TSG101: variants seen among roughly 807,000 people sequenced by gnomAD.
TSG101 encodes the protein tumor susceptibility gene 101 protein.
TSG101 carries 19 observed loss-of-function variants against 48.5 expected under a neutral mutation model. The ratio of observed to expected loss-of-function variants is 0.39; its 90% CI spans 0.27 to 0.58. The LOEUF is 0.58. TSG101 is among the 20% of genes least tolerant of loss of function. TSG101 has a pLI of 0.55. For synonymous variants in TSG101, 174 were observed against 169.4 expected (o/e 1.03, Z -0.21); for missense variants, 365 against 484.4 (o/e 0.75, Z 2.31).
chr11:18,486,689 C>G (rs1849625408), intron 7 of TSG101, among the ~76,000 whole-genome samples: 1 of 151,510 alleles, frequency 6.6e-6, no homozygotes, highest in African/African-American at 2.4e-5. Context: ...ACTAGTTCAA[C>G]CATTGTGGAA....
chr11:18,482,413 A>G (rs935777091), intron 8 of TSG101, among the ~76,000 whole-genome samples: 1 of 152,232 alleles, frequency 6.6e-6, no homozygotes, highest in African/African-American at 2.4e-5. Context: ...TACAATCTAG[A>G]ACCACTTTGT....
chr11:18,506,621 T>G (rs1011753149), intron 6 of TSG101, among the ~76,000 whole-genome samples: 3 of 151,562 alleles, frequency 2.0e-5, no homozygotes, highest in Admixed American at 1.3e-4. Context: ...ACTGGGGAAG[T>G]AGAGGTTGCA....
intron 7 of TSG101, among the ~76,000 whole-genome samples, chr11:18,488,635 G>T (rs916568063): frequency 1.3e-5 from 2 of 151,974 alleles, no homozygotes; most frequent in Non-Finnish European, 2.9e-5. Context: ...TCTGGTGCTA[G>T]AAGTTCTTCT....
chr11:18,480,439 T>C lies in TSG101; in HGVS notation c.*107A>G. ...AAAATATATTATTGATTCAAAATAT[T>C]TTACACTTGAATGATAAACTGCAAT... On this transcript the variant is annotated 3_prime_UTR_variant, in exon 10 of 10. Coordinates refer to ENST00000251968, the MANE Select transcript of TSG101 (RefSeq NM_006292.4). 1.2e-6 allele frequency: 1 copy of C among 809,884 alleles called. No homozygotes were observed. Among genetic ancestry groups the C allele is most frequent in the Non-Finnish European group, 1.9e-6 (1 of 523,674 alleles). 50.2% of individuals were successfully genotyped at this position (809,884 alleles called of 1,614,324 possible). A position where few individuals can be genotyped will look rare whatever the true frequency, so the allele number is the denominator to read the frequency against.
chr11:18,500,807 A>C (rs1297002712), intron 7 of TSG101, among the ~76,000 whole-genome samples: 2 of 133,478 alleles, frequency 1.5e-5, no homozygotes, highest in South Asian at 2.3e-4. Flanking sequence ...TGTTGTGCAG[A>C]AGCTTTTTTT....
intron 8 of TSG101, among the ~76,000 whole-genome samples, chr11:18,482,517 T>C: frequency 6.6e-6 from 1 of 152,220 alleles, no homozygotes; most frequent in East Asian, 1.9e-4. Flanking sequence ...TTTACTGGAA[T>C]AAATTCTCCC....
intron 4 of TSG101, chr11:18,510,899 A>G (rs1213422442): frequency 6.6e-6 from 1 of 151,890 alleles, no homozygotes; most frequent in Non-Finnish European, 1.5e-5. Context: ...CCTGGGTTAG[A>G]GTGAGACCCT....
intron 7 of TSG101, among the ~76,000 whole-genome samples, chr11:18,497,666 T>C (rs895660243): frequency 6.6e-6 from 1 of 152,152 alleles, no homozygotes; most frequent in African/African-American, 2.4e-5. Context: ...AGAAACAGGG[T>C]GACAAACAGC....
intron 4 of TSG101, among the ~76,000 whole-genome samples, chr11:18,510,816 G>A (rs904722129): frequency 3.9e-5 from 6 of 151,900 alleles, no homozygotes; most frequent in African/African-American, 1.4e-4. Context: ...CAACTACTCA[G>A]GAGGCTGCAG....
chr11:18,499,020 T>C (rs925883625), intron 7 of TSG101, among the ~76,000 whole-genome samples: 63 of 151,580 alleles, frequency 4.2e-4, no homozygotes, highest in African/African-American at 1.5e-3. Context: ...TTGGTAATCA[T>C]GACCAGTTTT....
intron 1 of TSG101, among the ~76,000 whole-genome samples, chr11:18,524,755 T>C (rs957394171): frequency 4.6e-5 from 7 of 152,162 alleles, no homozygotes; most frequent in African/African-American, 1.7e-4. Context: ...GGAAGGCAGG[T>C]AGAGGTATAA....
At chr11:18,506,739 T>C (rs1849982008) in intron 6 of TSG101, 118 bp downstream of exon 6, 1 of 723,410 alleles carries the variant, frequency 1.4e-6, no homozygotes, top group East Asian at 3.0e-5. Flanking sequence ...AACCAAGTTT[T>C]ATCTTCCACT....
chr11:18,499,303 TATATTTATTTATATA>T (rs1454057920), intron 7 of TSG101, among the ~76,000 whole-genome samples: 1 of 90,966 alleles, frequency 1.1e-5, no homozygotes, highest in Non-Finnish European at 2.3e-5. Flanking sequence ...TTTATATTTA[TATATTTATTTATATA>T]TATTTATATA....
chr11:18,498,953 A>G (rs1014421902), intron 7 of TSG101, among the ~76,000 whole-genome samples: 5 of 152,078 alleles, frequency 3.3e-5, no homozygotes, highest in African/African-American at 9.7e-5. Context: ...AATGCTGCTG[A>G]TAGGACAAGT....
intron 9 of TSG101, chr11:18,481,309 G>A: frequency 1.0e-6 from 1 of 985,380 alleles, no homozygotes; most frequent in Non-Finnish European, 1.2e-6. Flanking sequence ...CTCAATTTAG[G>A]TGGTATGACC....
At chr11:18,506,763 ATTTAT>A (rs1849982193) in intron 6 of TSG101, 89 bp downstream of exon 6, 1 of 988,852 alleles carries the variant, frequency 1.0e-6, no homozygotes, top group African/African-American at 1.7e-5. Context: ...TTGCAATTAA[ATTTAT>A]TTTAATGCCC....
Position 18,481,931 on chromosome 11 carries a change from A to G in TSG101, c.844-62T>C, listed in dbSNP as rs567067329. 6 of 1,575,140 alleles carry G rather than the reference A, an allele frequency of 3.8e-6. No individual in the cohort carries two copies. In the African/African-American group the frequency reaches 6.8e-5, roughly 18 times the overall value. On this transcript the variant is annotated intron_variant, in intron 8 of 9. Coordinates refer to ENST00000251968, the MANE Select transcript of TSG101 (RefSeq NM_006292.4). ...ATAATTATCCACTTGTCAGACACCT[A>G]CAACACTTCACAGGAAAAGACAGGC...
In TSG101 at chr11:18,519,530, A is replaced by G; in HGVS notation, c.116T>C (p.Leu39Ser). 6.2e-7 allele frequency: 1 copy of G among 1,610,950 alleles called. No homozygotes were observed. Among genetic ancestry groups the G allele is most frequent in the Non-Finnish European group, 8.5e-7 (1 of 1,177,906 alleles). The change falls in exon 2 of 10, where the codon TTG (leucine) becomes TCG (serine). Residue 39 changes from leucine (L) to serine (S), a missense_variant. By Grantham distance (145) the Leu-to-Ser change is moderately radical. Transcript: ENST00000251968. ...CTGCATAAACTCACCATATGAATCC[A>G]AAACAGGTTTGAGATCTTTGTATAG... ...ITLYKDLKPV[L>S]DSYVFNDGSS...
At chr11:18,500,520 A>C (rs1004301638) in intron 7 of TSG101, among the ~76,000 whole-genome samples, 2 of 152,110 alleles carry the variant, frequency 1.3e-5, no homozygotes, top group African/African-American at 4.8e-5. Flanking sequence ...AATAATGGCC[A>C]TTCAAACTGG....
Sources: allele counts gnomAD v4.1 joint callset (sites outside exome capture counted in the v4.1 genomes callset), GRCh38; gene constraint gnomAD v4.1.1; transcripts MANE v1.5; gene names NCBI Gene and HGNC (gene_info 2026-07-23, HGNC 2026-07-21).